Variants in RAPGEF6 observed in about 807,000 individuals in gnomAD.
The protein encoded by RAPGEF6 is PDZ domain containing guanine nucleotide exchange factor (GEF) 2.
Under a neutral mutation model 171.4 loss-of-function variants are expected in RAPGEF6, and 56 were observed. That is an observed-to-expected ratio of 0.33 (90% CI 0.26 to 0.41). The LOEUF (loss-of-function observed/expected upper bound fraction) is 0.41, where lower values mean the gene tolerates loss of function less well. RAPGEF6 is among the 10% of genes least tolerant of loss of function. The probability of loss-of-function intolerance (pLI) is 1.00; values close to 1 mark genes in which losing one functional copy is unlikely to be tolerated. For missense variants in RAPGEF6, 1,674 were observed against 1,921.4 expected, an observed-to-expected ratio of 0.87 and a Z score of 2.41; for synonymous variants, 692 against 650.1, an observed-to-expected ratio of 1.06 and a Z score of -0.98.
chr5:131,505,557 T>G (rs1311609983), intron 9 of RAPGEF6, 35 bp from the exon 10 acceptor site: 2 of 1,563,072 alleles, frequency 1.3e-6, no homozygotes, highest in Admixed American at 3.7e-5. Context: ...TGAATCTTTT[T>G]AAAAAAGGTA....
intron 5 of RAPGEF6, among the ~76,000 whole-genome samples, chr5:131,550,912 C>T (rs1301823646): frequency 6.6e-6 from 1 of 152,180 alleles, no homozygotes; most frequent in Non-Finnish European, 1.5e-5. Flanking sequence ...AGTATTACTC[C>T]TTCTATAGCA....
intron 1 of RAPGEF6, among the ~76,000 whole-genome samples, chr5:131,625,811 CAAA>C (rs36057060): frequency 1.8e-5 from 2 of 113,702 alleles, no homozygotes; most frequent in Non-Finnish European, 1.7e-5. Context: ...GACTCCGTCT[CAAA>C]AAAAAAAAAA....
At chr5:131,569,714 T>C (rs997587222) in intron 4 of RAPGEF6, among the ~76,000 whole-genome samples, 4 of 152,124 alleles carry the variant, frequency 2.6e-5, no homozygotes, top group Admixed American at 1.3e-4. Context: ...ATCATCAATA[T>C]TAAAGTTTTA....
chr5:131,581,731 C>A (rs185128506), intron 4 of RAPGEF6, among the ~76,000 whole-genome samples: 1 of 152,280 alleles, frequency 6.6e-6, no homozygotes, highest in Admixed American at 6.5e-5. Flanking sequence ...GAGCTGGGCA[C>A]ACCATGGTCA....
At chr5:131,564,788 C>T (rs532392425) in intron 4 of RAPGEF6, among the ~76,000 whole-genome samples, 5 of 152,224 alleles carry the variant, frequency 3.3e-5, no homozygotes, top group African/African-American at 7.2e-5. Flanking sequence ...ACGATAAATA[C>T]GAACACAACA....
chr5:131,592,759 GT>G (rs1763668721), intron 3 of RAPGEF6, among the ~76,000 whole-genome samples: 1 of 152,054 alleles, frequency 6.6e-6, no homozygotes, highest in Admixed American at 6.5e-5. Context: ...TGTTTATACT[GT>G]TCCTTGAAAT....
At chr5:131,560,698 C>A (rs1201739547) in intron 5 of RAPGEF6, among the ~76,000 whole-genome samples, 2 of 152,144 alleles carry the variant, frequency 1.3e-5, no homozygotes, top group African/African-American at 4.8e-5. Context: ...AAGAAACATT[C>A]ACTGAATACT....
intron 4 of RAPGEF6, among the ~76,000 whole-genome samples, chr5:131,579,087 C>T (rs1762772890): frequency 6.6e-6 from 1 of 152,152 alleles, no homozygotes; most frequent in Non-Finnish European, 1.5e-5. Context: ...GGTTCGTGGT[C>T]TCGCTGGCTT....
chr5:131,464,154 T>C lies in RAPGEF6; in HGVS notation c.2367A>G (p.Ala789=). The C allele has an allele frequency of 6.2e-7, 1 of 1,614,068 alleles. No homozygotes were observed. Among genetic ancestry groups the C allele is most frequent in the African/African-American group, 1.3e-5 (1 of 75,048 alleles). Residue 789 remains alanine (A), a synonymous_variant, in exon 18 of 28, where the codon GCA becomes GCG. Transcript: ENST00000509018. ...HAVHEFGLTG[A]SDTYSLCEVS... The stretch of plus-strand genomic sequence containing the variant: ...CTTCACAGAGAGAATATGTGTCGGA[T>C]GCACCGGTCAAACCAAATTCATGAA...
intron 19 of RAPGEF6, among the ~76,000 whole-genome samples, chr5:131,461,001 CTTGTT>C (rs1753890501): frequency 6.6e-6 from 1 of 152,206 alleles, no homozygotes; most frequent in South Asian, 2.1e-4. Context: ...TAAAATTAAA[CTTGTT>C]TTAAGAAGAA....
chr5:131,592,000 G>A (rs1029326695), intron 4 of RAPGEF6, among the ~76,000 whole-genome samples: 4 of 152,040 alleles, frequency 2.6e-5, no homozygotes, highest in Non-Finnish European at 5.9e-5. Context: ...TGGAATTACA[G>A]GTATGCGCCA....
chr5:131,535,414 T>C (rs1759699881), intron 6 of RAPGEF6, among the ~76,000 whole-genome samples: 1 of 152,188 alleles, frequency 6.6e-6, no homozygotes, highest in African/African-American at 2.4e-5. Context: ...ATTTTTCCCT[T>C]GCATCACTTT....
chr5:131,561,038 T>A (rs1479096788), intron 5 of RAPGEF6, among the ~76,000 whole-genome samples: 7 of 152,144 alleles, frequency 4.6e-5, no homozygotes, highest in Non-Finnish European at 1.0e-4. Flanking sequence ...ATGAGTCCAC[T>A]CGGTATATGC....
chr5:131,512,433 A>T (rs893556144), intron 7 of RAPGEF6, among the ~76,000 whole-genome samples: 8 of 150,758 alleles, frequency 5.3e-5, no homozygotes, highest in Non-Finnish European at 1.2e-4. Flanking sequence ...CAGTGGTATG[A>T]TCACAGCTCA....
At chr5:131,535,112 C>T (rs1226492168) in intron 6 of RAPGEF6, among the ~76,000 whole-genome samples, 3 of 152,096 alleles carry the variant, frequency 2.0e-5, no homozygotes, top group Non-Finnish European at 4.4e-5. Flanking sequence ...ATTCTCTTTT[C>T]CTTTAGTTTG....
chr5:131,500,360 C>T (rs1194155676), intron 11 of RAPGEF6, among the ~76,000 whole-genome samples: 1 of 152,092 alleles, frequency 6.6e-6, no homozygotes, highest in Non-Finnish European at 1.5e-5. Context: ...CAGGCCAATC[C>T]TGGTTTAGGG....
intron 5 of RAPGEF6, among the ~76,000 whole-genome samples, chr5:131,549,186 T>C (rs1339588642): frequency 2.0e-5 from 3 of 152,166 alleles, no homozygotes; most frequent in Admixed American, 2.0e-4. Context: ...ACCATAATTT[T>C]TTAAATTAAC....
chr5:131,523,279 CTTT>C (rs1171953953), intron 6 of RAPGEF6, among the ~76,000 whole-genome samples: 7 of 66,654 alleles, frequency 1.1e-4, no homozygotes, highest in East Asian at 9.1e-4. Flanking sequence ...CTGTTGTATG[CTTT>C]TTTTTTTTTT....
At chr5:131,484,104 A>C (rs1755697860) in intron 15 of RAPGEF6, among the ~76,000 whole-genome samples, 1 of 151,352 alleles carries the variant, frequency 6.6e-6, no homozygotes, top group African/African-American at 2.4e-5. Flanking sequence ...TCAAAAAAAA[A>C]AAAAAAAAGA....
Sources: gnomAD v4.1 joint callset for allele counts (sites outside exome capture counted in the v4.1 genomes callset) on GRCh38, gnomAD v4.1.1 for gene constraint, MANE v1.5 for transcripts, NCBI Gene and HGNC (gene_info 2026-07-23, HGNC 2026-07-21) for gene names.